Variants in SH3RF3 observed in about 807,000 individuals in gnomAD.
SH3RF3 encodes E3 ubiquitin-protein ligase SH3RF3.
Under a neutral mutation model 66.3 loss-of-function variants are expected in SH3RF3, and 29 were observed. The ratio of observed to expected loss-of-function variants is 0.44; its 90% CI spans 0.33 to 0.60. The LOEUF (loss-of-function observed/expected upper bound fraction) is 0.60. Ranked by LOEUF, SH3RF3 falls within the 20% of genes least tolerant of loss-of-function variation. SH3RF3 has a pLI of 0.04. For synonymous variants in SH3RF3, 583 were observed against 532.0 expected (o/e 1.10, Z -1.32); for missense variants, 1,194 against 1,190.9 (o/e 1.00, Z -0.04).
At chr2:109,470,282 C>T (rs560978222) in intron 8 of SH3RF3, among the ~76,000 whole-genome samples, 6 of 152,320 alleles carry the variant, frequency 3.9e-5, no homozygotes, top group Admixed American at 1.3e-4. Context: ...CCACAGCACC[C>T]AGCAGCTCTA....
intron 8 of SH3RF3, among the ~76,000 whole-genome samples, chr2:109,451,675 A>G (rs1301875360): frequency 6.6e-6 from 1 of 152,246 alleles, no homozygotes; most frequent in Non-Finnish European, 1.5e-5. Context: ...CTTAAGGTTT[A>G]TGCCCTCTAA....
chr2:109,338,876 A>G (rs1391951703), intron 1 of SH3RF3, among the ~76,000 whole-genome samples: 2 of 152,010 alleles, frequency 1.3e-5, no homozygotes, highest in Non-Finnish European at 2.9e-5. Context: ...CTCAAACTCA[A>G]CTCCTAAGAG....
intron 1 of SH3RF3, among the ~76,000 whole-genome samples, chr2:109,222,210 G>A (rs928731236): frequency 2.6e-5 from 4 of 152,190 alleles, no homozygotes; most frequent in Non-Finnish European, 5.9e-5. Flanking sequence ...GTTGGTGGTA[G>A]GGAGGTAAAG....
intron 8 of SH3RF3, among the ~76,000 whole-genome samples, chr2:109,489,259 T>C (rs191631368): frequency 6.6e-6 from 1 of 152,328 alleles, no homozygotes; most frequent in African/African-American, 2.4e-5. Flanking sequence ...ATGGGGATGG[T>C]CCCTTTAGAC....
intron 1 of SH3RF3, among the ~76,000 whole-genome samples, chr2:109,297,281 C>G (rs763425636): frequency 2.6e-5 from 4 of 152,098 alleles, no homozygotes; most frequent in Non-Finnish European, 4.4e-5. Context: ...AAATGCTGTA[C>G]GTAACAGAGA....
chr2:109,472,351 C>T (rs1678540039), intron 8 of SH3RF3, among the ~76,000 whole-genome samples: 1 of 141,032 alleles, frequency 7.1e-6, no homozygotes. Context: ...TGGTCTCGGG[C>T]CGGTGTGCAT....
intron 5 of SH3RF3, among the ~76,000 whole-genome samples, chr2:109,428,743 G>A (rs746876764): frequency 1.3e-5 from 2 of 152,228 alleles, no homozygotes; most frequent in Non-Finnish European, 2.9e-5. Flanking sequence ...TGATGTCTGA[G>A]CATGCAGGGT....
At chr2:109,320,760 G>C (rs1395412837) in intron 1 of SH3RF3, among the ~76,000 whole-genome samples, 1 of 152,202 alleles carries the variant, frequency 6.6e-6, no homozygotes, top group Non-Finnish European at 1.5e-5. Context: ...TGAACTTTCT[G>C]CTGGGAGAAA....
chr2:109,149,011 T>A (rs1023120330), intron 1 of SH3RF3, among the ~76,000 whole-genome samples: 1 of 152,226 alleles, frequency 6.6e-6, no homozygotes, highest in African/African-American at 2.4e-5. Context: ...GGCTTTCAAC[T>A]GCAGATCCCC....
chr2:109,218,126 A>G (rs1408921665), intron 1 of SH3RF3, among the ~76,000 whole-genome samples: 1 of 148,758 alleles, frequency 6.7e-6, no homozygotes, highest in African/African-American at 2.5e-5. Flanking sequence ...GAGACAGAAA[A>G]CCATTGTCCT....
At chr2:109,135,344 A>G (rs1676791236) in intron 1 of SH3RF3, among the ~76,000 whole-genome samples, 1 of 152,190 alleles carries the variant, frequency 6.6e-6, no homozygotes, top group Non-Finnish European at 1.5e-5. Flanking sequence ...GGTGGTGGGA[A>G]TCCCACTGAA....
intron 8 of SH3RF3, among the ~76,000 whole-genome samples, chr2:109,484,063 CTTTCT>C (rs556791782): frequency 0.22 from 30,606 of 138,938 alleles, 3,008 homozygotes; most frequent in Admixed American, 0.31. Flanking sequence ...ATCCTCTGGC[CTTTCT>C]TTTTTTTTTT....
At chr2:109,445,040 A>G (rs1457057947) in intron 7 of SH3RF3, among the ~76,000 whole-genome samples, 1 of 152,242 alleles carries the variant, frequency 6.6e-6, no homozygotes, top group East Asian at 1.9e-4. Context: ...GGAAAAATAT[A>G]TATTTAAATA....
chr2:109,485,954 G>C (rs1364417239), intron 8 of SH3RF3, among the ~76,000 whole-genome samples: 3 of 152,256 alleles, frequency 2.0e-5, no homozygotes, highest in African/African-American at 7.2e-5. Flanking sequence ...TGTCTGGGAA[G>C]GTGGGGGCTC....
chr2:109,249,724 T>TGCAAGCTCC (rs904846013), intron 1 of SH3RF3, among the ~76,000 whole-genome samples: 1 of 151,644 alleles, frequency 6.6e-6, no homozygotes, highest in South Asian at 2.1e-4. Context: ...CTCAGCTCAC[T>TGCAAGCTCC]GCAAGCTCCG....
chr2:109,464,320 C>T (rs774988552), intron 8 of SH3RF3, among the ~76,000 whole-genome samples: 11 of 152,294 alleles, frequency 7.2e-5, no homozygotes, highest in African/African-American at 1.7e-4. Context: ...CATGAACTCA[C>T]GTACAATGTG....
intron 1 of SH3RF3, among the ~76,000 whole-genome samples, chr2:109,315,509 G>A (rs888422571): frequency 5.3e-5 from 8 of 152,256 alleles, no homozygotes; most frequent in African/African-American, 1.4e-4. Context: ...GTATGAAAAT[G>A]TGCATATACA....
Position 109,129,458 on chromosome 2 carries a change from C to G in SH3RF3, c.-83C>G, listed in dbSNP as rs554983377. ...TCACGGCGGAGCCCGGCTCCCCAGT[C>G]CTGATGCTGGCTGCCGGTGGCGGGC... On this transcript the variant is annotated 5_prime_UTR_variant, in exon 1 of 10. Transcript: ENST00000309415. The G allele has an allele frequency of 1.3e-5, 19 of 1,495,212 alleles. No individual in the cohort carries two copies. The highest frequency in any genetic ancestry group is 2.9e-5 in the African/African-American group (2 of 68,806). 92.6% of individuals were successfully genotyped at this position (1,495,212 alleles called of 1,614,324 possible).
At chr2:109,365,992 G>A (rs1683144936) in intron 2 of SH3RF3, among the ~76,000 whole-genome samples, 3 of 152,048 alleles carry the variant, frequency 2.0e-5, no homozygotes, top group African/African-American at 7.2e-5. Context: ...CTTTCTTCCT[G>A]AATTTGTTTT....
Sources: gnomAD v4.1 joint callset for allele counts (sites outside exome capture counted in the v4.1 genomes callset) on GRCh38, gnomAD v4.1.1 for gene constraint, MANE v1.5 for transcripts, NCBI Gene and HGNC (gene_info 2026-07-23, HGNC 2026-07-21) for gene names.